ANKRD13A: variants seen among roughly 807,000 people sequenced by gnomAD.
ANKRD13A encodes ankyrin repeat domain 13A.
A neutral mutation model predicts 81.3 loss-of-function variants in ANKRD13A; 48 were observed. That is an observed-to-expected ratio of 0.59 (90% CI 0.47 to 0.75). ANKRD13A has a LOEUF of 0.75. ANKRD13A is among the 30% of genes least tolerant of loss of function. The pLI is 0.00. For synonymous variants in ANKRD13A, 230 were observed against 270.1 expected, an observed-to-expected ratio of 0.85 and a Z score of 1.45; for missense variants, 612 against 734.0, an observed-to-expected ratio of 0.83 and a Z score of 1.92.
chr12:110,033,509 G>A (rs1371005631), intron 12 of ANKRD13A, among the ~76,000 whole-genome samples: 3 of 152,074 alleles, frequency 2.0e-5, no homozygotes. Context: ...ACACATTGGT[G>A]TGACTGTGCG....
chr12:110,037,755 G>T lies in ANKRD13A; in HGVS notation c.*201G>T. 4.0e-6 allele frequency: 2 copies of T among 494,104 alleles called. No individual in the cohort carries two copies. Among genetic ancestry groups the T allele is most frequent in the Non-Finnish European group, 3.6e-6 (1 of 279,936 alleles). 30.6% of individuals were successfully genotyped at this position (494,104 alleles called of 1,614,324 possible). A position where few individuals can be genotyped will look rare whatever the true frequency, so the allele number is the denominator to read the frequency against. On this transcript the variant is annotated 3_prime_UTR_variant, in exon 15 of 15. Coordinates refer to ENST00000261739, the MANE Select transcript of ANKRD13A (RefSeq NM_033121.2). ...TCCCTGGGGTGGAGAAGGGACCAGG[G>T]ATTGCAGGCCCCATCTCCAGGCTAA...
chr12:110,019,956 TG>T (rs1043814661), intron 6 of ANKRD13A, among the ~76,000 whole-genome samples: 7 of 152,072 alleles, frequency 4.6e-5, no homozygotes, highest in South Asian at 4.1e-4. Flanking sequence ...ATGGAGGGCA[TG>T]GGGGGGCCTT....
Position 110,026,371 on chromosome 12 carries a change from C to A in ANKRD13A, c.883+548C>A, listed in dbSNP as rs538864379. 9.7e-5 allele frequency among the ~76,000 whole-genome samples: 14 copies of A among 143,774 alleles called. No individual in the cohort carries two copies. In the South Asian group the frequency reaches 2.7e-3, roughly 28 times the overall value. 94.3% of individuals were successfully genotyped at this position (143,774 alleles called of 152,430 possible). On this transcript the variant is annotated intron_variant, in intron 8 of 14. Transcript: ENST00000261739. ...GGCGAGTCACCTGAGGTCGGGAATTCAAGACCAGCCTGACCAACATGGAGA... is the reference window on the plus strand; with the variant it reads ...GGCGAGTCACCTGAGGTCGGGAATTAAAGACCAGCCTGACCAACATGGAGA...
intron 7 of ANKRD13A, among the ~76,000 whole-genome samples, chr12:110,025,314 C>T (rs914563524): frequency 6.6e-6 from 1 of 151,444 alleles, no homozygotes; most frequent in Admixed American, 6.6e-5. Context: ...AGAGATCACG[C>T]CACTGCACTC....
intron 1 of ANKRD13A, among the ~76,000 whole-genome samples, chr12:110,007,019 G>A: frequency 6.6e-6 from 1 of 152,198 alleles, no homozygotes; most frequent in East Asian, 1.9e-4. Flanking sequence ...AAATGTGTGG[G>A]TTTATTTCTG....
At chr12:110,004,006 A>G (rs1181645197) in intron 1 of ANKRD13A, among the ~76,000 whole-genome samples, 4 of 152,004 alleles carry the variant, frequency 2.6e-5, no homozygotes, top group Admixed American at 2.6e-4. Flanking sequence ...AAAATATGAA[A>G]AATTAGCTGG....
chr12:110,000,797 G>C (rs1303553510), intron 1 of ANKRD13A, among the ~76,000 whole-genome samples: 1 of 114,072 alleles, frequency 8.8e-6, no homozygotes, highest in Non-Finnish European at 1.7e-5. Context: ...CGCTCTTGTT[G>C]CCCGGGCTGG....
At chr12:110,010,742 A>G (rs967087715) in intron 1 of ANKRD13A, among the ~76,000 whole-genome samples, 1 of 152,204 alleles carries the variant, frequency 6.6e-6, no homozygotes, top group Non-Finnish European at 1.5e-5. Flanking sequence ...TCTTCACTGT[A>G]TAATAGCCAT....
intron 5 of ANKRD13A, 65 bp from the exon 6 acceptor site, chr12:110,019,074 G>A (rs1293259365): frequency 4.1e-6 from 6 of 1,476,396 alleles, no homozygotes; most frequent in African/African-American, 1.4e-5. Context: ...TTTAACATAC[G>A]AAGCTTCCTT....
At chr12:110,007,564 G>C (rs777497643) in intron 1 of ANKRD13A, among the ~76,000 whole-genome samples, 5 of 152,042 alleles carry the variant, frequency 3.3e-5, no homozygotes, top group African/African-American at 4.8e-5. Context: ...ATTTTTAGTA[G>C]AGGTGGGGTT....
At position 110,018,517 on chromosome 12, in the gene ANKRD13A, G is replaced by C; in HGVS notation, c.544+29G>C. On this transcript the variant is annotated intron_variant, in intron 5 of 14. Transcript: ENST00000261739. This position sits in a 1 kb window ranked among gnomAD's most constrained non-coding sequence, Gnocchi z 4.4. ...AGTGACTTCTCTTGTAGTAATCACT[G>C]CTCAAGCAAAATTACAGGGTGATTT... 1 of 1,599,038 alleles carries C rather than the reference G, an allele frequency of 6.3e-7. No individual in the cohort carries two copies. Among genetic ancestry groups the C allele is most frequent in the Non-Finnish European group, 8.5e-7 (1 of 1,170,078 alleles).
intron 3 of ANKRD13A, among the ~76,000 whole-genome samples, chr12:110,016,048 C>T (rs1479683979): frequency 1.3e-5 from 2 of 151,378 alleles, no homozygotes; most frequent in African/African-American, 2.4e-5. Context: ...ACCTCCTGGC[C>T]TCAAGCAATC....
rs778669144 is a variant in ANKRD13A at position 110,025,799 on chromosome 12, G to A, written c.859G>A (p.Glu287Lys). ...CAAAATACGCACAGAACATCTGACC[G>A]AGGAGGAAAAAAAGAGATATAAAGG... ...ITKIRTEHLTEEEKKRYKADR... is the reference protein window; with the variant it reads ...ITKIRTEHLTKEEKKRYKADR... Residue 287 changes from glutamate (E) to lysine (K), a missense_variant, in exon 8 of 15, where the codon GAG (glutamate) becomes AAG (lysine). Coordinates refer to ENST00000261739, the MANE Select transcript of ANKRD13A (RefSeq NM_033121.2). 1.5e-5 allele frequency: 25 copies of A among 1,613,270 alleles called. 1 individual carries two copies. Among genetic ancestry groups the A allele is most frequent in the South Asian group, 1.5e-4 (14 of 91,008 alleles).
chr12:110,000,364 GAGGTCC>G (rs952713087), intron 1 of ANKRD13A, among the ~76,000 whole-genome samples: 1 of 152,210 alleles, frequency 6.6e-6, no homozygotes, highest in Non-Finnish European at 1.5e-5. Flanking sequence ...GGTCTGGGGT[GAGGTCC>G]AGGTGCCGCA....
Position 110,018,339 on chromosome 12 carries a change from C to T in ANKRD13A, c.401-6C>T, listed in dbSNP as rs750385959. The T allele has an allele frequency of 6.2e-7, 1 of 1,613,874 alleles. No individual in the cohort carries two copies. The highest frequency in any genetic ancestry group is 8.5e-7 in the Non-Finnish European group (1 of 1,179,848). ...TTTTTCTCAGTAGTACACTTCTCTC[C>T]TCCAGTGCCCTTGGTTTCTAGAATA... On this transcript the variant is annotated splice_polypyrimidine_tract_variant and splice_region_variant and intron_variant, in intron 4 of 14. Transcript: ENST00000261739. The surrounding 1 kb of genome is among the most constrained non-coding windows in gnomAD (Gnocchi z 4.4).
chr12:110,029,512 C>G lies in ANKRD13A; in HGVS notation c.1111C>G (p.Pro371Ala), dbSNP rs1891553580. 1.2e-6 allele frequency: 2 copies of G among 1,613,794 alleles called. No homozygotes were observed. Among genetic ancestry groups the G allele is most frequent in the Non-Finnish European group, 1.7e-6 (2 of 1,179,702 alleles). Residue 371 changes from proline (P) to alanine (A), a missense_variant, in exon 11 of 15, where the codon CCC (proline) becomes GCC (alanine). Pro to Ala is a conservative substitution (Grantham distance 27). Transcript: ENST00000261739. Reference protein sequence around the residue: ...KAMLWMCEEFPLSLVEQVIPI... With the variant: ...KAMLWMCEEFALSLVEQVIPI... ...AATGTTGTGGATGTGTGAAGAGTTT[C>G]CCCTCTCTCTGGTGGAGCAGGTCAT...
At chr12:110,001,953 G>A (rs1890003587) in intron 1 of ANKRD13A, among the ~76,000 whole-genome samples, 1 of 152,044 alleles carries the variant, frequency 6.6e-6, no homozygotes, top group Admixed American at 6.6e-5. Flanking sequence ...AAAATGACCA[G>A]TTTTGGTTTT....
At chr12:110,030,262 G>A (rs1891598904) in intron 11 of ANKRD13A, among the ~76,000 whole-genome samples, 1 of 151,884 alleles carries the variant, frequency 6.6e-6, no homozygotes. Flanking sequence ...TGCCTCCTGG[G>A]TTCAAGCGAT....
rs2137123265 is a variant in ANKRD13A, at chr12:110,018,149, G to A, written c.401-196G>A. ...AATTTATTTAGACTTTTTTTCTGGT[G>A]AATGGAATGGAAGGTTCATTTTTAT... On this transcript the variant is annotated intron_variant, in intron 4 of 14. Transcript: ENST00000261739. This position sits in a 1 kb window ranked among gnomAD's most constrained non-coding sequence, Gnocchi z 4.4. Among the ~76,000 whole-genome samples, 1 of 152,204 alleles carries A rather than the reference G, an allele frequency of 6.6e-6. No individual in the cohort carries two copies. Among genetic ancestry groups the A allele is most frequent in the African/African-American group, 2.4e-5 (1 of 41,524 alleles).
Sources: allele counts gnomAD v4.1 joint callset (sites outside exome capture counted in the v4.1 genomes callset), GRCh38; gene constraint gnomAD v4.1.1; non-coding constraint Gnocchi (gnomAD v3.1); transcripts MANE v1.5; gene names NCBI Gene and HGNC (gene_info 2026-07-23, HGNC 2026-07-21).